GRID1: variants seen among roughly 807,000 people sequenced by gnomAD.
GRID1 encodes glutamate receptor ionotropic, delta-1.
A neutral mutation model predicts 98.0 loss-of-function variants in GRID1; 28 were observed. The ratio of observed to expected loss-of-function variants is 0.29; its 90% CI spans 0.21 to 0.39. The LOEUF is 0.39. Among genes scored for constraint, GRID1 ranks in the 10% least tolerant of loss-of-function variants. The pLI is 1.00. For synonymous variants in GRID1, 553 were observed against 538.5 expected (o/e 1.03, Z -0.37); for missense variants, 1,111 against 1,340.5 (o/e 0.83, Z 2.67).
Position 86,364,110 on chromosome 10 carries a change from G to A in GRID1, c.80-14C>T. On this transcript the variant is annotated splice_polypyrimidine_tract_variant and intron_variant, in intron 1 of 15. Transcript: ENST00000327946. ...CGAAGATGGCACCTGGAGGAGAGAAGGGATCAAGACCGGACCTGGACAAGA... is the reference window on the plus strand; with the variant it reads ...CGAAGATGGCACCTGGAGGAGAGAAAGGATCAAGACCGGACCTGGACAAGA... The A allele has an allele frequency of 6.2e-7, 1 of 1,612,016 alleles. No individual in the cohort carries two copies. Among genetic ancestry groups the A allele is most frequent in the Non-Finnish European group, 8.5e-7 (1 of 1,178,728 alleles).
intron 3 of GRID1, among the ~76,000 whole-genome samples, chr10:86,152,468 C>T (rs974275784): frequency 1.2e-4 from 19 of 152,226 alleles, no homozygotes; most frequent in African/African-American, 4.6e-4. Context: ...CTGGAGTGAG[C>T]CCTGAAGCCC....
chr10:86,244,793 C>T (rs1328532637), intron 2 of GRID1, among the ~76,000 whole-genome samples: 1 of 152,252 alleles, frequency 6.6e-6, no homozygotes, highest in East Asian at 1.9e-4. Context: ...CTGAGCTAGT[C>T]CTCGAATATC....
At chr10:85,640,553 G>A (rs150566628) in intron 13 of GRID1, among the ~76,000 whole-genome samples, 315 of 152,272 alleles carry the variant, frequency 2.1e-3, no homozygotes, top group Non-Finnish European at 3.4e-3. Context: ...GCATGCCATG[G>A]AACCAGGAGC....
chr10:86,189,642 T>C (rs1564701774), intron 3 of GRID1, among the ~76,000 whole-genome samples: 1 of 152,180 alleles, frequency 6.6e-6, no homozygotes, highest in Non-Finnish European at 1.5e-5. Context: ...TTACCTACTA[T>C]TGACACTTGA....
chr10:85,757,294 A>G (rs1842108554), intron 8 of GRID1, among the ~76,000 whole-genome samples: 1 of 152,200 alleles, frequency 6.6e-6, no homozygotes, highest in African/African-American at 2.4e-5. Flanking sequence ...AGTTTTCCCT[A>G]TGGCCCAACC....
intron 5 of GRID1, among the ~76,000 whole-genome samples, chr10:85,872,567 C>T (rs1275134050): frequency 6.6e-6 from 1 of 152,230 alleles, no homozygotes; most frequent in Non-Finnish European, 1.5e-5. Context: ...TCTGTAAACA[C>T]AACCATCACT....
At chr10:85,828,704 T>C (rs762151858) in intron 8 of GRID1, among the ~76,000 whole-genome samples, 4 of 151,114 alleles carry the variant, frequency 2.6e-5, no homozygotes, top group Non-Finnish European at 4.4e-5. Flanking sequence ...CTAGAAAACC[T>C]AGAAAAAAAT....
intron 8 of GRID1, among the ~76,000 whole-genome samples, chr10:85,770,056 G>A (rs1463829731): frequency 2.6e-5 from 4 of 152,180 alleles, no homozygotes; most frequent in Non-Finnish European, 5.9e-5. Context: ...CCCCTGAGCA[G>A]CCTAACTGAG....
intron 8 of GRID1, among the ~76,000 whole-genome samples, chr10:85,821,541 A>G (rs886834447): frequency 6.7e-6 from 1 of 150,254 alleles, no homozygotes; most frequent in Non-Finnish European, 1.5e-5. Flanking sequence ...AAAAAAAAAA[A>G]AAAAGAAAAC....
chr10:86,018,105 C>T (rs570609429), intron 4 of GRID1, among the ~76,000 whole-genome samples: 5 of 152,348 alleles, frequency 3.3e-5, no homozygotes, highest in South Asian at 2.1e-4. Context: ...AAAAAGAGAA[C>T]GATATGGAGC....
At chr10:86,088,598 T>C (rs1003195203) in intron 4 of GRID1, among the ~76,000 whole-genome samples, 1 of 152,142 alleles carries the variant, frequency 6.6e-6, no homozygotes, top group African/African-American at 2.4e-5. Context: ...GATGAAAACT[T>C]TGGGGGTTCA....
At chr10:85,618,833 C>T (rs976823991) in intron 14 of GRID1, among the ~76,000 whole-genome samples, 5 of 152,180 alleles carry the variant, frequency 3.3e-5, no homozygotes, top group Admixed American at 1.3e-4. Flanking sequence ...CCCAGCTCTG[C>T]CAGCAGCTGG....
At chr10:86,208,731 G>T (rs1846069358) in intron 2 of GRID1, among the ~76,000 whole-genome samples, 1 of 152,178 alleles carries the variant, frequency 6.6e-6, no homozygotes, top group Non-Finnish European at 1.5e-5. Context: ...CCAGGGTCAT[G>T]CCTGCTGTGT....
chr10:85,723,183 T>C, intron 11 of GRID1, 42 bp from the exon 12 acceptor site: 2 of 1,564,090 alleles, frequency 1.3e-6, no homozygotes, highest in Non-Finnish European at 1.7e-6. Context: ...TGGCTTCTGC[T>C]CTCCCTCCTA....
At chr10:85,710,708 T>C (rs1465593367) in intron 12 of GRID1, among the ~76,000 whole-genome samples, 1 of 152,066 alleles carries the variant, frequency 6.6e-6, no homozygotes, top group Non-Finnish European at 1.5e-5. Context: ...AAATCATATA[T>C]ATGATAATGG....
At chr10:86,032,700 G>T (rs1016324331) in intron 4 of GRID1, among the ~76,000 whole-genome samples, 2 of 151,538 alleles carry the variant, frequency 1.3e-5, no homozygotes, top group Non-Finnish European at 1.5e-5. Flanking sequence ...AAGGCCGCAG[G>T]GTCCTCTGCC....
intron 2 of GRID1, 93 bp downstream of exon 2, chr10:86,363,848 C>T: frequency 2.7e-6 from 3 of 1,106,710 alleles, no homozygotes; most frequent in Non-Finnish European, 4.0e-6. Flanking sequence ...GGGTGCCCTG[C>T]GCAGCCCAGC....
chr10:86,234,175 G>A (rs753887591), intron 2 of GRID1, among the ~76,000 whole-genome samples: 41 of 152,120 alleles, frequency 2.7e-4, no homozygotes, highest in African/African-American at 8.2e-4. Flanking sequence ...TAGCTGGCCC[G>A]GCAGAAATGC....
chr10:85,881,177 T>A (rs1841007631), intron 5 of GRID1, among the ~76,000 whole-genome samples: 2 of 152,048 alleles, frequency 1.3e-5, no homozygotes, highest in Non-Finnish European at 2.9e-5. Flanking sequence ...AGAATCAATA[T>A]CGTGAAAATG....
Sources: gnomAD v4.1 joint callset for allele counts (sites outside exome capture counted in the v4.1 genomes callset) on GRCh38, gnomAD v4.1.1 for gene constraint, MANE v1.5 for transcripts, NCBI Gene and HGNC (gene_info 2026-07-23, HGNC 2026-07-21) for gene names.